The following SCFD2 variants were observed in gnomAD, a reference collection of about 807,000 sequenced individuals.
SCFD2 encodes the protein sec1 family domain-containing protein 2.
A neutral mutation model predicts 58.9 loss-of-function variants in SCFD2; 54 were observed. That is an observed-to-expected ratio of 0.92 (90% confidence interval 0.74 to 1.15). The LOEUF (loss-of-function observed/expected upper bound fraction) is 1.15, where lower values mean the gene tolerates loss of function less well. Ranked by LOEUF, SCFD2 falls within the 50% of genes most tolerant of loss-of-function variation. SCFD2 has a pLI of 0.00. For missense variants in SCFD2, 805 were observed against 836.6 expected, an observed-to-expected ratio of 0.96 and a Z score of 0.47; for synonymous variants, 321 against 335.9, an observed-to-expected ratio of 0.96 and a Z score of 0.49.
chr4:53,000,404 C>A (rs574020472), intron 5 of SCFD2, among the ~76,000 whole-genome samples: 3 of 152,306 alleles, frequency 2.0e-5, no homozygotes, highest in Admixed American at 6.5e-5. Context: ...TCCAACTCAG[C>A]AACAAGTGGC....
intron 3 of SCFD2, among the ~76,000 whole-genome samples, chr4:53,295,501 T>C (rs1388891165): frequency 1.3e-5 from 2 of 152,190 alleles, no homozygotes; most frequent in African/African-American, 4.8e-5. Flanking sequence ...TCGTGAGACT[T>C]TGCTGAAGTT....
chr4:53,233,088 G>T (rs1026858662), intron 4 of SCFD2, among the ~76,000 whole-genome samples: 3 of 152,108 alleles, frequency 2.0e-5, no homozygotes, highest in African/African-American at 7.2e-5. Flanking sequence ...CACACCTTTA[G>T]GCACATTAGA....
chr4:53,085,724 A>C (rs1352298129), intron 5 of SCFD2, among the ~76,000 whole-genome samples: 1 of 152,198 alleles, frequency 6.6e-6, no homozygotes, highest in Non-Finnish European at 1.5e-5. Flanking sequence ...ATCCAGAAAC[A>C]AATCCATACA....
intron 4 of SCFD2, among the ~76,000 whole-genome samples, chr4:53,207,492 T>A (rs1353291968): frequency 0.025 from 792 of 31,556 alleles, 148 homozygotes; most frequent in African/African-American, 0.07. Context: ...ATATATATAT[T>A]TCATATATAT....
At chr4:52,977,710 T>A (rs184221572) in intron 5 of SCFD2, among the ~76,000 whole-genome samples, 1 of 152,244 alleles carries the variant, frequency 6.6e-6, no homozygotes. Flanking sequence ...AATATGAACA[T>A]ATAATAAAGA....
intron 3 of SCFD2, among the ~76,000 whole-genome samples, chr4:53,281,094 C>T (rs1731494115): frequency 6.6e-6 from 1 of 152,216 alleles, no homozygotes; most frequent in African/African-American, 2.4e-5. Flanking sequence ...TCGACCTGAT[C>T]TCCATTGCAT....
chr4:53,053,031 G>A (rs1723226659), intron 5 of SCFD2, among the ~76,000 whole-genome samples: 1 of 152,022 alleles, frequency 6.6e-6, no homozygotes, highest in East Asian at 1.9e-4. Flanking sequence ...AGACTAGCCT[G>A]TTCACCAACA....
At chr4:53,279,196 G>A (rs1731432246) in intron 3 of SCFD2, among the ~76,000 whole-genome samples, 1 of 152,164 alleles carries the variant, frequency 6.6e-6, no homozygotes, top group South Asian at 2.1e-4. Flanking sequence ...CATTTTAAAA[G>A]CCATAAAACA....
chr4:53,164,804 A>AAAAAGAAGAAG (rs1553882340), intron 4 of SCFD2, among the ~76,000 whole-genome samples: 2 of 143,928 alleles, frequency 1.4e-5, no homozygotes, highest in East Asian at 2.0e-4. Context: ...AAAAAAAAAA[A>AAAAAGAAGAAG]AAGAAGAAGA....
intron 5 of SCFD2, among the ~76,000 whole-genome samples, chr4:53,104,734 T>C (rs79448795): frequency 0.013 from 1,971 of 152,316 alleles, 41 homozygotes; most frequent in African/African-American, 0.045. Flanking sequence ...AACAAATCCA[T>C]GTCAGCTGAA....
At chr4:53,159,866 T>C (rs763977615) in intron 4 of SCFD2, among the ~76,000 whole-genome samples, 1 of 152,184 alleles carries the variant, frequency 6.6e-6, no homozygotes, top group Non-Finnish European at 1.5e-5. Context: ...CAGTATATGC[T>C]GTGCAAATGC....
intron 4 of SCFD2, among the ~76,000 whole-genome samples, chr4:53,255,151 G>A (rs1004106284): frequency 1.3e-5 from 2 of 150,884 alleles, no homozygotes; most frequent in Non-Finnish European, 3.0e-5. Flanking sequence ...GATTACAGGT[G>A]TGAGCCACTG....
At chr4:53,247,729 C>T (rs1177198544) in intron 4 of SCFD2, among the ~76,000 whole-genome samples, 5 of 149,270 alleles carry the variant, frequency 3.3e-5, no homozygotes, top group South Asian at 2.2e-4. Context: ...GGCGCGGTGG[C>T]GGGCGCCTGT....
At chr4:53,181,057 C>T (rs886929421) in intron 4 of SCFD2, among the ~76,000 whole-genome samples, 11 of 152,292 alleles carry the variant, frequency 7.2e-5, no homozygotes, top group African/African-American at 2.4e-4. Context: ...GGATTCACAG[C>T]CGAATTCCAC....
chr4:53,271,946 T>C (rs1295857798), intron 4 of SCFD2, among the ~76,000 whole-genome samples: 1 of 152,118 alleles, frequency 6.6e-6, no homozygotes, highest in African/African-American at 2.4e-5. Flanking sequence ...ATTTTTGCAA[T>C]CTACTCATCT....
At chr4:52,951,527 A>G (rs903888554) in intron 5 of SCFD2, among the ~76,000 whole-genome samples, 1 of 152,210 alleles carries the variant, frequency 6.6e-6, no homozygotes, top group South Asian at 2.1e-4. Context: ...ACTCAATTAT[A>G]TTGAAAATTT....
intron 4 of SCFD2, among the ~76,000 whole-genome samples, chr4:53,191,626 T>TA: frequency 6.6e-6 from 1 of 152,132 alleles, no homozygotes; most frequent in South Asian, 2.1e-4. Context: ...AGGCTGGTCT[T>TA]AAACTCCTGG....
At position 53,172,518 on chromosome 4, in the gene SCFD2, A is replaced by G. The variant is rs1357821845; in HGVS notation, c.1312-26936T>C. Among the ~76,000 whole-genome samples, 3 of 152,122 alleles carry G rather than the reference A, an allele frequency of 2.0e-5. No individual in the cohort carries two copies. The East Asian group carries it at 5.8e-4, about 29-fold the overall frequency. ...TATTAGAGCTACTTTTACTGTATCC[A>G]TTAAGTTTTGGTATATTGTTTGTCC... On this transcript the variant is annotated intron_variant, in intron 4 of 8. Coordinates refer to ENST00000401642, the MANE Select transcript of SCFD2 (RefSeq NM_152540.4).
At chr4:52,927,608 T>A (rs1719892557) in intron 5 of SCFD2, among the ~76,000 whole-genome samples, 3 of 152,246 alleles carry the variant, frequency 2.0e-5, no homozygotes, top group Non-Finnish European at 2.9e-5. Context: ...GAGTTCATAC[T>A]TCATCAGTAT....
Sources: gnomAD v4.1 joint callset for allele counts (sites outside exome capture counted in the v4.1 genomes callset) on GRCh38, gnomAD v4.1.1 for gene constraint, MANE v1.5 for transcripts, NCBI Gene and HGNC (gene_info 2026-07-23, HGNC 2026-07-21) for gene names.